The following COL11A2 variants were observed in gnomAD, a reference collection of about 807,000 sequenced individuals.
COL11A2 encodes collagen type XI alpha 2 chain.
In COL11A2, 116 loss-of-function variants were observed where a neutral mutation model predicts 273.4. The ratio of observed to expected loss-of-function variants is 0.42; its 90% CI spans 0.36 to 0.49. The LOEUF (loss-of-function observed/expected upper bound fraction) is 0.49. Among genes scored for constraint, COL11A2 ranks in the 20% least tolerant of loss-of-function variants. The pLI is 0.00. For synonymous variants in COL11A2, 782 were observed against 864.2 expected (o/e 0.90, Z 1.67); for missense variants, 1,866 against 2,309.0 (o/e 0.81, Z 3.93).
rs2150565478 is a variant in COL11A2, at chr6:33,175,573, C to T, written c.2376+1G>A. On this transcript the variant is annotated splice_donor_variant, in intron 30 of 65. Coordinates refer to ENST00000341947, the MANE Select transcript of COL11A2 (RefSeq NM_080680.3). LOFTEE classifies it high-confidence loss of function. The stretch of plus-strand genomic sequence containing the variant: ...CAGGCACAGAACCCTCATCCCATCA[C>T]CTTCTCGCCCATGAGCCCTGGGGGC... 1.2e-6 allele frequency: 2 copies of T among 1,612,608 alleles called. No individual in the cohort carries two copies. The highest frequency in any genetic ancestry group is 1.7e-6 in the Non-Finnish European group (2 of 1,179,800).
At position 33,168,734 on chromosome 6, in the gene COL11A2, C is replaced by T. The variant is rs727504832; in HGVS notation, c.3878G>A (p.Arg1293Gln). 16 of 1,595,636 alleles carry T rather than the reference C, an allele frequency of 1.0e-5. No homozygotes were observed. The highest frequency in any genetic ancestry group is 5.2e-5 in the Admixed American group (3 of 57,826). Residue 1293 changes from arginine (R) to glutamine (Q), a missense_variant, in exon 53 of 66, where the codon CGA becomes CAA. Arg to Gln is a conservative substitution (Grantham distance 43). Coordinates refer to ENST00000341947, the MANE Select transcript of COL11A2 (RefSeq NM_080680.3). ...PRGQDGAKGD[R>Q]GEDGEPGQPG... Reference sequence around the variant, plus strand: ...CTGTCCTGGCTCACCATCCTCGCCTCGGTCACCCTTAGCACCATCCTGGCC... The same window carrying T: ...CTGTCCTGGCTCACCATCCTCGCCTTGGTCACCCTTAGCACCATCCTGGCC...
Position 33,164,382 on chromosome 6 carries a change from GAGAC to G in COL11A2, c.4951_4954del (p.Val1651ProfsTer13). On this transcript the variant is annotated frameshift_variant, in exon 65 of 66. Coordinates refer to ENST00000341947, the MANE Select transcript of COL11A2 (RefSeq NM_080680.3). LOFTEE classifies it high-confidence loss of function. The surrounding 1 kb of genome is among the most constrained non-coding windows in gnomAD (Gnocchi z 4.7). The stretch of plus-strand genomic sequence containing the variant: ...ACGGGCTGCTCCAGAGCAGGGGTAG[GAGAC>G]GTCCTGGTGGGCTGAGACGCTGAGC... 3 of 1,611,138 alleles carry G rather than the reference GAGAC, an allele frequency of 1.9e-6. No homozygotes were observed. The highest frequency in any genetic ancestry group is 2.5e-6 in the Non-Finnish European group (3 of 1,179,168).
chr6:33,178,811 G>T lies in COL11A2; in HGVS notation c.1666-79C>A, dbSNP rs1771296212. The T allele has an allele frequency of 1.2e-6, 2 of 1,604,430 alleles. No individual in the cohort carries two copies. The highest frequency in any genetic ancestry group is 1.7e-6 in the Non-Finnish European group (2 of 1,172,340). ...CCTCCCTACTGCACCCTGAGCTGGGGGGGTGCTGATCCTGGGGAAGCCTGG... is the reference window on the plus strand; with the variant it reads ...CCTCCCTACTGCACCCTGAGCTGGGTGGGTGCTGATCCTGGGGAAGCCTGG... On this transcript the variant is annotated intron_variant, in intron 17 of 65. Transcript: ENST00000341947. The surrounding 1 kb of genome is among the most constrained non-coding windows in gnomAD (Gnocchi z 4.6).
At position 33,176,862 on chromosome 6, in the gene COL11A2, T is replaced by G. The variant is rs1770976969; in HGVS notation, c.2071-97A>C. On this transcript the variant is annotated intron_variant, in intron 25 of 65. Transcript: ENST00000341947. The surrounding 1 kb of genome is among the most constrained non-coding windows in gnomAD (Gnocchi z 4.9). ...CCAACCCAAATTTCCTGTGACCTAG[T>G]GAAGCCAACTGTCCATGGACAAGCA... 2 of 1,536,830 alleles carry G rather than the reference T, an allele frequency of 1.3e-6. No individual in the cohort carries two copies. The highest frequency in any genetic ancestry group is 2.3e-5 in the East Asian group (1 of 43,576).
chr6:33,187,608 G>A (rs144107864), intron 4 of COL11A2, among the ~76,000 whole-genome samples: 24 of 152,208 alleles, frequency 1.6e-4, no homozygotes, highest in South Asian at 4.1e-4. Context: ...ATAAATGTAC[G>A]TATGGGAGGG....
chr6:33,170,725 T>C lies in COL11A2; in HGVS notation c.3474+85A>G, dbSNP rs528246686. Reference sequence around the variant, plus strand: ...GACTCCGCAGGCCCTCCAGTCTGCATCGGCAGGCTGCTGGCAGAGTCTGGG... The same window carrying C: ...GACTCCGCAGGCCCTCCAGTCTGCACCGGCAGGCTGCTGGCAGAGTCTGGG... On this transcript the variant is annotated intron_variant, in intron 46 of 65. Transcript: ENST00000341947. This position sits in a 1 kb window ranked among gnomAD's most constrained non-coding sequence, Gnocchi z 4.3. 1.3e-6 allele frequency: 2 copies of C among 1,580,804 alleles called. No homozygotes were observed. The highest frequency in any genetic ancestry group is 1.3e-5 in the African/African-American group (1 of 74,252).
At position 33,177,632 on chromosome 6, in the gene COL11A2, T is replaced by A. The variant is rs961828768; in HGVS notation, c.1917+30A>T. On this transcript the variant is annotated intron_variant, in intron 22 of 65. Transcript: ENST00000341947. This position sits in a 1 kb window ranked among gnomAD's most constrained non-coding sequence, Gnocchi z 5.9. ...TGGCAGGGACCTCGGGGGATAAGAATGGGGGTGGGATCTCCTATCCATCAC... is the reference window on the plus strand; with the variant it reads ...TGGCAGGGACCTCGGGGGATAAGAAAGGGGGTGGGATCTCCTATCCATCAC... 6 of 1,612,000 alleles carry A rather than the reference T, an allele frequency of 3.7e-6. No homozygotes were observed. Among genetic ancestry groups the A allele is most frequent in the Non-Finnish European group, 5.1e-6 (6 of 1,179,426 alleles).
rs145679043 is a variant in COL11A2 at position 33,178,944 on chromosome 6, C to A, written c.1641G>T (p.Gly547=). 6.2e-7 allele frequency: 1 copy of A among 1,614,124 alleles called. No individual in the cohort carries two copies. Among genetic ancestry groups the A allele is most frequent in the East Asian group, 2.2e-5 (1 of 44,868 alleles). Reference sequence around the variant, plus strand: ...CCTTCACTCCAGGATCTCCAGGCATCCCTCGGGCTCCATCAGCACCTGCCC... The same window carrying A: ...CCTTCACTCCAGGATCTCCAGGCATACCTCGGGCTCCATCAGCACCTGCCC... ...RGRAGADGAR[G]MPGDPGVKGD... Residue 547 remains glycine (G), a synonymous_variant, in exon 17 of 66, where the codon GGG becomes GGT. Coordinates refer to ENST00000341947, the MANE Select transcript of COL11A2 (RefSeq NM_080680.3). The surrounding 1 kb of genome is among the most constrained non-coding windows in gnomAD (Gnocchi z 4.6).
Position 33,176,453 on chromosome 6 carries a change from G to T in COL11A2, c.2149C>A (p.Pro717Thr), listed in dbSNP as rs1184685384. The T allele has an allele frequency of 1.9e-6, 3 of 1,612,502 alleles. No homozygotes were observed. Among genetic ancestry groups the T allele is most frequent in the South Asian group, 1.1e-5 (1 of 90,996 alleles). The change falls in exon 27 of 66, where the codon CCA becomes ACA. Residue 717 changes from proline to threonine, a missense_variant. Transcript: ENST00000341947. This position sits in a 1 kb window ranked among gnomAD's most constrained non-coding sequence, Gnocchi z 4.9. ...GTTACCTTGACCCCTCGAGGTCCTGGGTATCCTAGAGGTCCCTGAGGTCCA... is the reference window on the plus strand; with the variant it reads ...GTTACCTTGACCCCTCGAGGTCCTGTGTATCCTAGAGGTCCCTGAGGTCCA... The part of the protein sequence containing the change: ...PSGPQGPLGY[P>T]GPRGVKGVDG...
At position 33,176,093 on chromosome 6, in the gene COL11A2, G is replaced by A; in HGVS notation, c.2215-24C>T. On this transcript the variant is annotated intron_variant, in intron 28 of 65. Transcript: ENST00000341947. This position sits in a 1 kb window ranked among gnomAD's most constrained non-coding sequence, Gnocchi z 4.9. ...CCCTGAGAAAGATAGAGGTGAGAGG[G>A]CACCACAGATGACAGAGGGCTGGGG... is the stretch of plus-strand genomic sequence containing the variant. 6.2e-7 allele frequency: 1 copy of A among 1,612,926 alleles called. No individual in the cohort carries two copies. The highest frequency in any genetic ancestry group is 1.1e-5 in the South Asian group (1 of 91,076).
Position 33,173,300 on chromosome 6 carries a change from G to A in COL11A2, c.2736+48C>T, listed in dbSNP as rs1402032026. On this transcript the variant is annotated intron_variant, in intron 37 of 65. Coordinates refer to ENST00000341947, the MANE Select transcript of COL11A2 (RefSeq NM_080680.3). This position sits in a 1 kb window ranked among gnomAD's most constrained non-coding sequence, Gnocchi z 6.3. ...CTTTCCAGACAGCTCTGGGGTTAAA[G>A]GGTCTGATGGAGCCCCCTGAGAATG... 2 of 1,605,114 alleles carry A rather than the reference G, an allele frequency of 1.2e-6. No homozygotes were observed. Among genetic ancestry groups the A allele is most frequent in the African/African-American group, 2.7e-5 (2 of 74,748 alleles).
chr6:33,170,061 G>A lies in COL11A2; in HGVS notation c.3622C>T (p.Pro1208Ser), dbSNP rs374515005. ...TTCCCAGTTACCTTCTCTCCAGGGGGACCCAGGTTCCCAACACCTCCTGGG... is the reference window on the plus strand; with the variant it reads ...TTCCCAGTTACCTTCTCTCCAGGGGAACCCAGGTTCCCAACACCTCCTGGG... Reference protein sequence around the residue: ...GPPGGVGNLGPPGEKGEPGES... With the variant: ...GPPGGVGNLGSPGEKGEPGES... The change falls in exon 49 of 66, where the codon CCC becomes TCC. Residue 1208 changes from proline to serine, a missense_variant. By Grantham distance (74) the Pro-to-Ser change is moderately conservative. Transcript: ENST00000341947. The surrounding 1 kb of genome is among the most constrained non-coding windows in gnomAD (Gnocchi z 4.3). The A allele has an allele frequency of 5.6e-5, 91 of 1,612,916 alleles. No homozygotes were observed. Among genetic ancestry groups the A allele is most frequent in the African/African-American group, 1.6e-4 (12 of 74,874 alleles).
Position 33,166,915 on chromosome 6 carries a change from G to A in COL11A2, c.4231-88C>T, listed in dbSNP as rs544812592. On this transcript the variant is annotated intron_variant, in intron 58 of 65. Transcript: ENST00000341947. The surrounding 1 kb of genome is among the most constrained non-coding windows in gnomAD (Gnocchi z 4.8). ...GCCAAGAGGACATGGAGAGGGAGCC[G>A]GGCACAGGGTCCGTGAGTGGCCCTC... 3.4e-5 allele frequency: 51 copies of A among 1,516,094 alleles called. No individual in the cohort carries two copies. The African/African-American group carries it at 3.4e-4, about 10-fold the overall frequency. 93.9% of individuals were successfully genotyped at this position (1,516,094 alleles called of 1,614,324 possible).
At position 33,177,746 on chromosome 6, in the gene COL11A2, C is replaced by T. The variant is rs759809574; in HGVS notation, c.1873-40G>A. 28 of 1,611,732 alleles carry T rather than the reference C, an allele frequency of 1.7e-5. No homozygotes were observed. Among genetic ancestry groups the T allele is most frequent in the South Asian group, 9.9e-5 (9 of 91,030 alleles). On this transcript the variant is annotated intron_variant, in intron 21 of 65. Transcript: ENST00000341947. The surrounding 1 kb of genome is among the most constrained non-coding windows in gnomAD (Gnocchi z 5.9). ...GGGTGTGAGCAGCCTGAAGGTGGCC[C>T]GGAGGGACCTGTGGTTTTCAGAGGC...
intron 1 of COL11A2, 136 bp downstream of exon 1, chr6:33,192,023 C>A: frequency 1.2e-6 from 1 of 814,658 alleles, no homozygotes; most frequent in Non-Finnish European, 2.1e-6. Flanking sequence ...TCCTGCCCTC[C>A]AGCCTGTAGC....
At chr6:33,187,885 T>G (rs905643009) in intron 4 of COL11A2, among the ~76,000 whole-genome samples, 1 of 151,276 alleles carries the variant, frequency 6.6e-6, no homozygotes, top group Non-Finnish European at 1.5e-5. Context: ...ATGGAGGAGT[T>G]GAAGAGGATA....
At chr6:33,174,729 A>G in intron 30 of COL11A2, 149 bp from the exon 31 acceptor site, 1 of 756,908 alleles carries the variant, frequency 1.3e-6, no homozygotes, top group South Asian at 1.5e-5. Context: ...TGCTTGCCCC[A>G]CAGCTGCCTG....
rs1228508419 is a variant in COL11A2 at position 33,173,479 on chromosome 6, G to A, written c.2682+23C>T. The A allele has an allele frequency of 1.9e-6, 3 of 1,612,242 alleles. No individual in the cohort carries two copies. Among genetic ancestry groups the A allele is most frequent in the Non-Finnish European group, 8.5e-7 (1 of 1,179,420 alleles). ...AGAAGGACTCAGAGAAGCGAGGTGGGTCAGAGCTCGGGGTCAACTTACCGG... is the reference window on the plus strand; with the variant it reads ...AGAAGGACTCAGAGAAGCGAGGTGGATCAGAGCTCGGGGTCAACTTACCGG... On this transcript the variant is annotated intron_variant, in intron 36 of 65. Transcript: ENST00000341947. The surrounding 1 kb of genome is among the most constrained non-coding windows in gnomAD (Gnocchi z 6.3).
In COL11A2 at chr6:33,165,754, C is replaced by T. The variant is rs367885056; in HGVS notation, c.4545G>A (p.Ser1515=). The T allele has an allele frequency of 7.2e-5, 116 of 1,612,470 alleles. No homozygotes were observed. The South Asian group carries it at 9.1e-4, about 13-fold the overall frequency. The change falls in exon 63 of 66, where the codon TCG becomes TCA. Residue 1515 remains serine (S), a synonymous_variant. Transcript: ENST00000341947. This position sits in a 1 kb window ranked among gnomAD's most constrained non-coding sequence, Gnocchi z 7.7. ...PIQMPKKTRR[S]VDGSRLMQED... The stretch of plus-strand genomic sequence containing the variant: ...CCTGCATCAGACGGCTTCCATCCAC[C>T]GAGCGCCGAGTCTTCTTGGGCATCT...
Sources: allele counts gnomAD v4.1 joint callset (sites outside exome capture counted in the v4.1 genomes callset), GRCh38; gene constraint gnomAD v4.1.1; non-coding constraint Gnocchi (gnomAD v3.1); transcripts MANE v1.5; gene names NCBI Gene and HGNC (gene_info 2026-07-23, HGNC 2026-07-21).